RNF6: variants seen among roughly 807,000 people sequenced by gnomAD.
RNF6 encodes E3 ubiquitin-protein ligase RNF6.
Under a neutral mutation model 50.1 loss-of-function variants are expected in RNF6, and 21 were observed. That is an observed-to-expected ratio of 0.42 (90% CI 0.30 to 0.60). RNF6 has a LOEUF of 0.60. Among genes scored for constraint, RNF6 ranks in the 20% least tolerant of loss-of-function variants. The pLI is 0.20. For synonymous variants in RNF6, 255 were observed against 291.8 expected (o/e 0.87, Z 1.29); for missense variants, 698 against 838.2 (o/e 0.83, Z 2.07).
At chr13:26,142,171 C>T (rs536570984) in intron 5 of RNF6, 1 of 152,062 alleles carries the variant, frequency 6.6e-6, no homozygotes, top group Non-Finnish European at 1.5e-5. Context: ...ATCAAAACCA[C>T]AATAAGATAA....
chr13:26,192,222 G>C lies in RNF6; in HGVS notation n.768+23252C>G, dbSNP rs146499772. 2.6e-5 allele frequency among the ~76,000 whole-genome samples: 4 copies of C among 152,334 alleles called. No individual in the cohort carries two copies. In the East Asian group the frequency reaches 7.7e-4, roughly 29 times the overall value. On this transcript the variant is annotated intron_variant and non_coding_transcript_variant, in intron 5 of 5. Transcript: ENST00000468480. ...ATTTTTATATTGAAAATGGGCAAAG[G>C]CAGAAGCAGGGAGACCAGTTAGGAG... is the stretch of plus-strand genomic sequence containing the variant.
At chr13:26,207,048 A>G (rs1298414933) in intron 5 of RNF6, among the ~76,000 whole-genome samples, 2 of 152,146 alleles carry the variant, frequency 1.3e-5, no homozygotes, top group African/African-American at 4.8e-5. Flanking sequence ...CCTTGAAAGT[A>G]TCCTAGACCC....
At chr13:26,191,537 T>G (rs1868458610) in intron 5 of RNF6, among the ~76,000 whole-genome samples, 2 of 152,124 alleles carry the variant, frequency 1.3e-5, no homozygotes, top group African/African-American at 4.8e-5. Context: ...TGGGGGCAGT[T>G]TCCCTCATGC....
chr13:26,213,578 A>G lies in RNF6; in HGVS notation c.*246T>C, dbSNP rs1869476341. ...GCATGACAAAATTACCAAAATAAAA[A>G]CATTTTAGAGGTTATTTGGTTCTAG... On this transcript the variant is annotated 3_prime_UTR_variant, in exon 5 of 5. Coordinates refer to ENST00000381588, the MANE Select transcript of RNF6 (RefSeq NM_005977.4). The G allele has an allele frequency of 6.2e-6, 2 of 323,000 alleles. No individual in the cohort carries two copies. The highest frequency in any genetic ancestry group is 1.7e-4 in the South Asian group (2 of 11,734). The allele number at this position is 323,000 out of a possible 1,614,324, so 20.0% of individuals were successfully genotyped here.
At chr13:26,142,068 G>T (rs1354778009) in intron 5 of RNF6, among the ~76,000 whole-genome samples, 1 of 152,050 alleles carries the variant, frequency 6.6e-6, no homozygotes, top group Non-Finnish European at 1.5e-5. Context: ...CGTGGGCTAA[G>T]AACATGAACA....
chr13:26,169,332 G>A (rs116840358), intron 5 of RNF6, among the ~76,000 whole-genome samples: 4,748 of 152,226 alleles, frequency 0.031, 122 homozygotes, highest in Middle Eastern at 0.092. Context: ...GCAAGGAGTA[G>A]GGAAAGACGA....
intron 5 of RNF6, among the ~76,000 whole-genome samples, chr13:26,156,613 T>A (rs1871936778): frequency 6.6e-6 from 1 of 152,142 alleles, no homozygotes; most frequent in Non-Finnish European, 1.5e-5. Context: ...ATCAACCAAA[T>A]TTTAAAAAAC....
intron 5 of RNF6, among the ~76,000 whole-genome samples, chr13:26,197,977 T>G (rs906700237): frequency 6.6e-6 from 1 of 151,752 alleles, no homozygotes; most frequent in Non-Finnish European, 1.5e-5. Flanking sequence ...GAGGAAATCA[T>G]AAGATAATTA....
intron 5 of RNF6, among the ~76,000 whole-genome samples, chr13:26,175,589 C>G (rs1345964543): frequency 6.6e-6 from 1 of 152,116 alleles, no homozygotes; most frequent in African/African-American, 2.4e-5. Flanking sequence ...CATCGCAGTT[C>G]CCCAAACACT....
chr13:26,205,831 T>C (rs1014711442), intron 5 of RNF6, among the ~76,000 whole-genome samples: 1 of 152,120 alleles, frequency 6.6e-6, no homozygotes, highest in Non-Finnish European at 1.5e-5. Context: ...CTGTCACATG[T>C]CGAAACCCTG....
chr13:26,177,599 C>T (rs1873022834), intron 5 of RNF6, among the ~76,000 whole-genome samples: 1 of 152,184 alleles, frequency 6.6e-6, no homozygotes, highest in Admixed American at 6.5e-5. Flanking sequence ...CCAACTCACC[C>T]AAACCTCTTC....
In RNF6 at chr13:26,214,838, T is replaced by C; in HGVS notation, c.1044A>G (p.Arg348=). 1 of 1,614,212 alleles carries C rather than the reference T, an allele frequency of 6.2e-7. No homozygotes were observed. Among genetic ancestry groups the C allele is most frequent in the Non-Finnish European group, 8.5e-7 (1 of 1,180,034 alleles). The part of the protein sequence containing the change: ...RRSVRRRGRT[R]VFLEQDRERE... ...GTTCTCTATCTTGCTCTAAAAAGACTCGAGTTCTACCTCTCCTCCTAACAG... is the reference window on the plus strand; with the variant it reads ...GTTCTCTATCTTGCTCTAAAAAGACCCGAGTTCTACCTCTCCTCCTAACAG... Residue 348 remains arginine (R), a synonymous_variant, in exon 5 of 5, where the codon CGA becomes CGG. Transcript: ENST00000381588.
intron 5 of RNF6, among the ~76,000 whole-genome samples, chr13:26,167,346 A>C (rs1872500816): frequency 6.6e-6 from 1 of 152,250 alleles, no homozygotes; most frequent in Non-Finnish European, 1.5e-5. Flanking sequence ...GAACTTAAAC[A>C]AATTTACAAG....
At chr13:26,167,266 A>G (rs1872497490) in intron 5 of RNF6, among the ~76,000 whole-genome samples, 1 of 152,250 alleles carries the variant, frequency 6.6e-6, no homozygotes, top group African/African-American at 2.4e-5. Context: ...TAAATAGACA[A>G]TCTACAGAAT....
At chr13:26,166,520 A>G (rs551473591) in intron 5 of RNF6, among the ~76,000 whole-genome samples, 23 of 152,346 alleles carry the variant, frequency 1.5e-4, no homozygotes, top group African/African-American at 5.3e-4. Flanking sequence ...AGGATACAAA[A>G]TCAGTATACA....
intron 5 of RNF6, among the ~76,000 whole-genome samples, chr13:26,165,551 A>G (rs2137619600): frequency 6.6e-6 from 1 of 152,284 alleles, no homozygotes; most frequent in East Asian, 1.9e-4. Flanking sequence ...CAACCCATGA[A>G]AGCAGCTAGG....
At position 26,222,203 on chromosome 13, in the gene RNF6, GA is replaced by G. The variant is rs1182326917; in HGVS notation, c.-303del. 2.0e-5 allele frequency: 3 copies of G among 152,374 alleles called. No homozygotes were observed. Among genetic ancestry groups the G allele is most frequent in the Non-Finnish European group, 4.4e-5 (3 of 68,134 alleles). 9.4% of individuals were successfully genotyped at this position (152,374 alleles called of 1,614,324 possible). A position where few individuals can be genotyped will look rare whatever the true frequency, so the allele number is the denominator to read the frequency against. ...AGCGTGGGGTCGTCCAGCTGGAGGG[GA>G]TACTCGGGAGGAAGAACGGCAGGCC... On this transcript the variant is annotated 5_prime_UTR_variant, in exon 1 of 5. Transcript: ENST00000381588.
At chr13:26,162,595 A>G (rs1317440429) in intron 5 of RNF6, among the ~76,000 whole-genome samples, 9 of 152,216 alleles carry the variant, frequency 5.9e-5, no homozygotes, top group Non-Finnish European at 1.0e-4. Context: ...TCATTAAGGC[A>G]TGCTTTTCCT....
At chr13:26,172,234 G>C (rs1447367325) in intron 5 of RNF6, among the ~76,000 whole-genome samples, 1 of 151,656 alleles carries the variant, frequency 6.6e-6, no homozygotes, top group African/African-American at 2.4e-5. Flanking sequence ...GAAAAGAATG[G>C]ACCATTCCGT....
Sources: gnomAD v4.1 joint callset for allele counts (sites outside exome capture counted in the v4.1 genomes callset) on GRCh38, gnomAD v4.1.1 for gene constraint, MANE v1.5 for transcripts, NCBI Gene and HGNC (gene_info 2026-07-23, HGNC 2026-07-21) for gene names.